PAPPA: variants seen among roughly 807,000 people sequenced by gnomAD.
PAPPA encodes pappalysin-1.
PAPPA carries 60 observed loss-of-function variants against 164.0 expected under a neutral mutation model. The ratio of observed to expected loss-of-function variants is 0.37; its 90% CI spans 0.30 to 0.45. The LOEUF (loss-of-function observed/expected upper bound fraction) is 0.45. Ranked by LOEUF, PAPPA falls within the 20% of genes least tolerant of loss-of-function variation. The probability of loss-of-function intolerance (pLI) is 1.00; values close to 1 mark genes in which losing one functional copy is unlikely to be tolerated. For missense variants in PAPPA, 1,782 were observed against 2,087.3 expected, an observed-to-expected ratio of 0.85 and a Z score of 2.85; for synonymous variants, 875 against 814.1, an observed-to-expected ratio of 1.07 and a Z score of -1.27.
intron 14 of PAPPA, among the ~76,000 whole-genome samples, chr9:116,345,632 G>C (rs1318062645): frequency 6.6e-6 from 1 of 152,174 alleles, no homozygotes; most frequent in Admixed American, 6.5e-5. Flanking sequence ...GATCCTGGTT[G>C]ACAAAGTCTC....
In PAPPA at chr9:116,317,592, T is replaced by C. The variant is rs74552167; in HGVS notation, c.3148-13652T>C. On this transcript the variant is annotated intron_variant, in intron 10 of 21. Transcript: ENST00000328252. The stretch of plus-strand genomic sequence containing the variant: ...TCAGTCAGTTTCAGGTTTGGGGCTA[T>C]AGAGCAGAAGGCATTACCCAGCCCT... 1.4e-3 allele frequency among the ~76,000 whole-genome samples: 218 copies of C among 152,348 alleles called. 5 individuals are homozygous for C. In the East Asian group the frequency reaches 0.035, roughly 24 times the overall value.
chr9:116,263,697 A>G (rs1040909069), intron 7 of PAPPA, among the ~76,000 whole-genome samples: 1 of 152,228 alleles, frequency 6.6e-6, no homozygotes, highest in Non-Finnish European at 1.5e-5. Context: ...ACACCGGCCC[A>G]TGACTTCCTG....
At chr9:116,355,452 G>A (rs1178752664) in intron 17 of PAPPA, among the ~76,000 whole-genome samples, 1 of 152,180 alleles carries the variant, frequency 6.6e-6, no homozygotes, top group East Asian at 1.9e-4. Flanking sequence ...CACCACCTGA[G>A]AATCCTGTTC....
chr9:116,218,984 A>G (rs926348607), intron 4 of PAPPA, among the ~76,000 whole-genome samples: 2 of 152,138 alleles, frequency 1.3e-5, no homozygotes, highest in African/African-American at 4.8e-5. Flanking sequence ...TACTACTCAT[A>G]TTTTCAGCAT....
At chr9:116,312,293 T>C (rs1845729425) in intron 10 of PAPPA, among the ~76,000 whole-genome samples, 1 of 150,708 alleles carries the variant, frequency 6.6e-6, no homozygotes, top group East Asian at 1.9e-4. Context: ...TCTTTCTTTT[T>C]TTTTTTTTTT....
At chr9:116,352,977 G>A in intron 16 of PAPPA, 61 bp downstream of exon 16, 1 of 1,244,528 alleles carries the variant, frequency 8.0e-7, no homozygotes, top group East Asian at 2.4e-5. Context: ...AGGTTCAAAT[G>A]CCTGACTGGA....
chr9:116,224,555 T>C (rs546809465), intron 5 of PAPPA, among the ~76,000 whole-genome samples: 29 of 152,304 alleles, frequency 1.9e-4, no homozygotes, highest in African/African-American at 6.0e-4. Flanking sequence ...TTTAGTTTCA[T>C]AGGAGACAAG....
chr9:116,231,780 A>G (rs868528861), intron 6 of PAPPA, among the ~76,000 whole-genome samples: 26 of 1,612 alleles, frequency 0.016, 4 homozygotes, highest in South Asian at 0.05. Flanking sequence ...TTTTTTTTTG[A>G]GATGGAGTTT....
At chr9:116,237,964 C>T (rs1410499313) in intron 7 of PAPPA, among the ~76,000 whole-genome samples, 3 of 152,054 alleles carry the variant, frequency 2.0e-5, no homozygotes, top group Non-Finnish European at 4.4e-5. Context: ...CATGATCTGC[C>T]TACCTCAGCC....
chr9:116,203,109 T>A (rs1426658430), intron 2 of PAPPA, among the ~76,000 whole-genome samples: 1 of 152,134 alleles, frequency 6.6e-6, no homozygotes, highest in African/African-American at 2.4e-5. Context: ...CTGCCATCCT[T>A]CCCATGATTT....
intron 21 of PAPPA, among the ~76,000 whole-genome samples, chr9:116,386,509 A>G (rs1846814142): frequency 6.6e-6 from 1 of 152,176 alleles, no homozygotes; most frequent in Non-Finnish European, 1.5e-5. Flanking sequence ...TCTTATTCCC[A>G]TCACACAGAT....
intron 17 of PAPPA, among the ~76,000 whole-genome samples, chr9:116,354,218 A>G (rs1329401648): frequency 3.3e-5 from 5 of 152,174 alleles, no homozygotes; most frequent in Non-Finnish European, 5.9e-5. Flanking sequence ...TGAGAACACC[A>G]TGGAAGAAAG....
chr9:116,199,432 T>G (rs1038369887), intron 2 of PAPPA, among the ~76,000 whole-genome samples: 1 of 152,094 alleles, frequency 6.6e-6, no homozygotes, highest in Admixed American at 6.6e-5. Flanking sequence ...AGCATCAGAT[T>G]TTTCCCCATG....
At position 116,398,263 on chromosome 9, in the gene PAPPA, G is replaced by T; in HGVS notation, c.*1647G>T. The T allele has an allele frequency of 4.8e-6, 1 of 206,724 alleles. No homozygotes were observed. Among genetic ancestry groups the T allele is most frequent in the Non-Finnish European group, 9.9e-6 (1 of 101,522 alleles). 12.8% of individuals were successfully genotyped at this position (206,724 alleles called of 1,614,324 possible). Reference sequence around the variant, plus strand: ...GAACTGGAGAGAAGGGTTGAGTGTGGCATACTTTCTGAAACCTGGAGCTGG... The same window carrying T: ...GAACTGGAGAGAAGGGTTGAGTGTGTCATACTTTCTGAAACCTGGAGCTGG... On this transcript the variant is annotated 3_prime_UTR_variant, in exon 22 of 22. Transcript: ENST00000328252.
chr9:116,338,383 G>A (rs1846091003), intron 13 of PAPPA, among the ~76,000 whole-genome samples: 1 of 152,062 alleles, frequency 6.6e-6, no homozygotes, highest in Non-Finnish European at 1.5e-5. Flanking sequence ...TCTTCACATG[G>A]CTAGATTAAC....
chr9:116,275,332 C>T (rs139697462), intron 9 of PAPPA, among the ~76,000 whole-genome samples: 91 of 152,270 alleles, frequency 6.0e-4, no homozygotes, highest in Middle Eastern at 3.4e-3. Flanking sequence ...TGGAATGTTG[C>T]GGGCACAGGA....
chr9:116,352,894 G>A lies in PAPPA; in HGVS notation c.4153G>A (p.Gly1385Arg), dbSNP rs1846302958. The A allele has an allele frequency of 6.2e-7, 1 of 1,613,986 alleles. No individual in the cohort carries two copies. The highest frequency in any genetic ancestry group is 1.3e-5 in the African/African-American group (1 of 75,032). The change falls in exon 16 of 22, where the codon GGA (glycine) becomes AGA (arginine). Residue 1385 changes from glycine (G) to arginine (R), a missense_variant. Physicochemically the swap from Gly to Arg is moderately radical, Grantham distance 125. Coordinates refer to ENST00000328252, the MANE Select transcript of PAPPA (RefSeq NM_002581.5). ...YKCKPGYHVP[G>R]SSRKSKKRAF... ...ATGCAAGCCTGGATACCATGTGCCT[G>A]GATCCTCTCGGAAGTCAAAGAAGTA...
chr9:116,376,131 C>T (rs1045545362), intron 19 of PAPPA, among the ~76,000 whole-genome samples: 3 of 151,800 alleles, frequency 2.0e-5, no homozygotes, highest in East Asian at 2.0e-4. Flanking sequence ...AGCGATTCTC[C>T]TCCCTCAGCC....
chr9:116,186,309 G>A (rs942663860), intron 1 of PAPPA, among the ~76,000 whole-genome samples: 3 of 151,522 alleles, frequency 2.0e-5, no homozygotes, highest in African/African-American at 7.3e-5. Context: ...CAGAGAGAGA[G>A]GCATCAGTGT....
Sources: allele counts gnomAD v4.1 joint callset (sites outside exome capture counted in the v4.1 genomes callset), GRCh38; gene constraint gnomAD v4.1.1; transcripts MANE v1.5; gene names NCBI Gene and HGNC (gene_info 2026-07-23, HGNC 2026-07-21).